The following RBFOX1 variants were observed in gnomAD, a reference collection of about 807,000 sequenced individuals.
RBFOX1 encodes the protein RNA binding protein fox-1 homolog 1.
A neutral mutation model predicts 57.7 loss-of-function variants in RBFOX1; 8 were observed. That is an observed-to-expected ratio of 0.14 (90% CI 0.08 to 0.25). RBFOX1 has a LOEUF of 0.25. Ranked by LOEUF, RBFOX1 falls within the 10% of genes least tolerant of loss-of-function variation. The probability of loss-of-function intolerance (pLI) is 1.00; values close to 1 mark genes in which losing one functional copy is unlikely to be tolerated. For synonymous variants in RBFOX1, 326 were observed against 222.4 expected (o/e 1.47, Z -4.15); for missense variants, 611 against 548.5 (o/e 1.11, Z -1.14).
chr16:5,295,934 T>C (rs890987109), intron 1 of RBFOX1, among the ~76,000 whole-genome samples: 8 of 152,240 alleles, frequency 5.3e-5, no homozygotes, highest in African/African-American at 1.9e-4. Flanking sequence ...AGAGTATGCA[T>C]GAATGCCCCT....
At chr16:5,699,809 A>G (rs2050972316) in intron 3 of RBFOX1, among the ~76,000 whole-genome samples, 1 of 152,132 alleles carries the variant, frequency 6.6e-6, no homozygotes, top group Non-Finnish European at 1.5e-5. Context: ...TTTAGCAGAC[A>G]TTATCTTTGT....
intron 4 of RBFOX1, among the ~76,000 whole-genome samples, chr16:7,466,575 G>A (rs924321912): frequency 9.9e-5 from 15 of 152,072 alleles, no homozygotes; most frequent in African/African-American, 2.4e-4. Context: ...GACAGGGCTC[G>A]GAATATTCAG....
chr16:6,743,557 C>T (rs1316049506), intron 3 of RBFOX1, among the ~76,000 whole-genome samples: 1 of 151,960 alleles, frequency 6.6e-6, no homozygotes, highest in Non-Finnish European at 1.5e-5. Flanking sequence ...ACCTGAGCAA[C>T]ATGACAAGAC....
intron 3 of RBFOX1, among the ~76,000 whole-genome samples, chr16:6,912,980 T>G (rs897393790): frequency 1.3e-5 from 2 of 152,030 alleles, no homozygotes; most frequent in African/African-American, 4.8e-5. Flanking sequence ...CATCTGGCTG[T>G]TACCCAACAC....
intron 3 of RBFOX1, among the ~76,000 whole-genome samples, chr16:6,953,661 A>G (rs2081218744): frequency 6.6e-6 from 1 of 152,222 alleles, no homozygotes; most frequent in Non-Finnish European, 1.5e-5. Flanking sequence ...CGCTGGGATT[A>G]TGGGCATGAG....
chr16:6,528,383 T>C (rs2096610977), intron 2 of RBFOX1, among the ~76,000 whole-genome samples: 1 of 152,158 alleles, frequency 6.6e-6, no homozygotes, highest in African/African-American at 2.4e-5. Context: ...TTATAAATAT[T>C]TGGATAAGTC....
At chr16:6,700,322 T>G (rs1309712053) in intron 3 of RBFOX1, among the ~76,000 whole-genome samples, 1 of 150,726 alleles carries the variant, frequency 6.6e-6, no homozygotes, top group Non-Finnish European at 1.5e-5. Flanking sequence ...CTTACATAAA[T>G]TTTTAAAACA....
At chr16:7,072,314 C>T (rs2057491889) in intron 4 of RBFOX1, among the ~76,000 whole-genome samples, 1 of 152,190 alleles carries the variant, frequency 6.6e-6, no homozygotes. Context: ...ACTTTCATTA[C>T]AGTGCTTATC....
intron 14 of RBFOX1, among the ~76,000 whole-genome samples, chr16:7,707,777 C>T (rs74333825): frequency 0.012 from 1,793 of 152,248 alleles, 47 homozygotes; most frequent in East Asian, 0.047. Flanking sequence ...GCATGAAACC[C>T]ATAGGATCAG....
At chr16:6,814,344 C>G (rs1469730949) in intron 3 of RBFOX1, among the ~76,000 whole-genome samples, 2 of 152,110 alleles carry the variant, frequency 1.3e-5, no homozygotes, top group Non-Finnish European at 2.9e-5. Context: ...AGCTCCTGAT[C>G]ATGTCCTAAG....
chr16:5,468,227 T>G (rs973041353), intron 2 of RBFOX1, among the ~76,000 whole-genome samples: 22 of 152,234 alleles, frequency 1.4e-4, no homozygotes, highest in Admixed American at 1.1e-3. Flanking sequence ...CATTTTCAAA[T>G]GAACAATTGA....
chr16:5,248,406 A>G (rs571095271), intron 1 of RBFOX1, among the ~76,000 whole-genome samples: 42 of 152,366 alleles, frequency 2.8e-4, no homozygotes, highest in East Asian at 9.7e-4. Context: ...CTGCCAGCCC[A>G]GATCCCCAGG....
intron 3 of RBFOX1, among the ~76,000 whole-genome samples, chr16:7,021,552 T>C (rs1488795177): frequency 6.9e-6 from 1 of 145,410 alleles, no homozygotes; most frequent in Admixed American, 6.9e-5. Context: ...ATTTTTATAT[T>C]TATAAAATAT....
chr16:5,710,166 G>C (rs182786467), intron 3 of RBFOX1, among the ~76,000 whole-genome samples: 11 of 152,086 alleles, frequency 7.2e-5, no homozygotes, highest in Admixed American at 7.2e-4. Context: ...AGCCATGTGA[G>C]TTTAGAGCCA....
At chr16:7,023,567 A>T (rs1418012686) in intron 3 of RBFOX1, among the ~76,000 whole-genome samples, 13 of 133,948 alleles carry the variant, frequency 9.7e-5, no homozygotes, top group African/African-American at 4.1e-4. Flanking sequence ...TCTGTACTAA[A>T]AAAAAAAAAA....
intron 5 of RBFOX1, among the ~76,000 whole-genome samples, chr16:7,559,818 A>T (rs2089872872): frequency 6.6e-6 from 1 of 152,172 alleles, no homozygotes; most frequent in South Asian, 2.1e-4. Context: ...CTTTGAATGA[A>T]TGAATTCACA....
chr16:5,895,122 T>A (rs1349114300), intron 4 of RBFOX1, among the ~76,000 whole-genome samples: 4 of 152,218 alleles, frequency 2.6e-5, no homozygotes, highest in African/African-American at 7.2e-5. Flanking sequence ...GGGGTATTTT[T>A]ATAATAGAAA....
At chr16:6,797,297 C>T (rs954982251) in intron 3 of RBFOX1, among the ~76,000 whole-genome samples, 1 of 152,078 alleles carries the variant, frequency 6.6e-6, no homozygotes, top group African/African-American at 2.4e-5. Flanking sequence ...TCAGAAATCT[C>T]TATACAAAGT....
At chr16:6,085,097 G>T (rs4786814) in intron 1 of RBFOX1, among the ~76,000 whole-genome samples, 10,636 of 152,152 alleles carry the variant, frequency 0.07, 503 homozygotes, top group East Asian at 0.2. Flanking sequence ...TGGGGACTGG[G>T]TGAGGGCGGG....
Sources: allele counts gnomAD v4.1 joint callset (sites outside exome capture counted in the v4.1 genomes callset), GRCh38; gene constraint gnomAD v4.1.1; transcripts MANE v1.5; gene names NCBI Gene and HGNC (gene_info 2026-07-23, HGNC 2026-07-21).